Variants in KIF11 observed in about 807,000 individuals in gnomAD.
The protein encoded by KIF11 is kinesin-like protein KIF11.
Under a neutral mutation model 121.0 loss-of-function variants are expected in KIF11, and 9 were observed. The ratio of observed to expected loss-of-function variants is 0.07; its 90% confidence interval spans 0.04 to 0.13. The LOEUF (loss-of-function observed/expected upper bound fraction) is 0.13. Among genes scored for constraint, KIF11 ranks in the 10% least tolerant of loss-of-function variants. KIF11 has a pLI of 1.00. For synonymous variants in KIF11, 408 were observed against 421.0 expected, an observed-to-expected ratio of 0.97 and a Z score of 0.38; for missense variants, 846 against 1,217.5, an observed-to-expected ratio of 0.69 and a Z score of 4.54.
intron 5 of KIF11, 41 bp from the exon 6 acceptor site, chr10:92,609,344 T>TGTG: frequency 6.8e-7 from 1 of 1,465,090 alleles, no homozygotes; most frequent in Non-Finnish European, 9.4e-7. Flanking sequence ...GTGTGTGTGT[T>TGTG]TTAACCAATC....
chr10:92,599,172 T>C (rs1844336289), intron 1 of KIF11, among the ~76,000 whole-genome samples: 1 of 152,128 alleles, frequency 6.6e-6, no homozygotes, highest in African/African-American at 2.4e-5. Flanking sequence ...TATTTTAAAT[T>C]GAGTTGTTTT....
At position 92,613,250 on chromosome 10, in the gene KIF11, G is replaced by A; in HGVS notation, c.789+120G>A. The A allele has an allele frequency of 9.2e-7, 1 of 1,081,964 alleles. No individual in the cohort carries two copies. Among genetic ancestry groups the A allele is most frequent in the Non-Finnish European group, 1.3e-6 (1 of 757,520 alleles). 67.0% of individuals were successfully genotyped at this position (1,081,964 alleles called of 1,614,324 possible). On this transcript the variant is annotated intron_variant, in intron 7 of 21. Coordinates refer to ENST00000260731, the MANE Select transcript of KIF11 (RefSeq NM_004523.4). This position sits in a 1 kb window ranked among gnomAD's most constrained non-coding sequence, Gnocchi z 4.2. ...GGTGATTAGCTTTGTAGTGGGAGAA[G>A]AAATTTGTTAATTACAGAAAAAATT... is the stretch of plus-strand genomic sequence containing the variant.
At chr10:92,639,734 A>T in intron 16 of KIF11, 60 bp from the exon 17 acceptor site, 1 of 892,330 alleles carries the variant, frequency 1.1e-6, no homozygotes, top group Non-Finnish European at 1.8e-6. Flanking sequence ...GTTATCAGTC[A>T]TAAAAAATGT....
intron 9 of KIF11, among the ~76,000 whole-genome samples, chr10:92,617,652 C>T (rs1393157677): frequency 6.6e-6 from 1 of 152,118 alleles, no homozygotes; most frequent in Non-Finnish European, 1.5e-5. Flanking sequence ...TCTCCACCTC[C>T]TCTTTAACAC....
At chr10:92,593,562 C>A (rs1455736912) in intron 1 of KIF11, 110 bp downstream of exon 1, 1 of 892,214 alleles carries the variant, frequency 1.1e-6, no homozygotes, top group African/African-American at 1.7e-5. Flanking sequence ...GTCCCAGTTT[C>A]TTGGTTCTCC....
intron 1 of KIF11, among the ~76,000 whole-genome samples, chr10:92,594,034 G>C (rs1844263728): frequency 6.6e-6 from 1 of 152,148 alleles, no homozygotes; most frequent in Non-Finnish European, 1.5e-5. Flanking sequence ...CGGATATTTC[G>C]AGATAAAGGG....
chr10:92,601,036 T>C (rs759180928), intron 1 of KIF11, among the ~76,000 whole-genome samples: 22 of 151,970 alleles, frequency 1.4e-4, no homozygotes, highest in Non-Finnish European at 2.6e-4. Context: ...ATTTTTGTAT[T>C]TTTAGTAGAG....
intron 14 of KIF11, among the ~76,000 whole-genome samples, chr10:92,635,325 G>A (rs1156619589): frequency 2.6e-5 from 4 of 152,044 alleles, no homozygotes; most frequent in Admixed American, 6.6e-5. Flanking sequence ...TTAAATGGTG[G>A]TCTGTATATA....
rs1426597840 is a variant in KIF11 at position 92,645,715 on chromosome 10, TA to T, written c.2547+74del. 7.8e-6 allele frequency: 9 copies of T among 1,160,764 alleles called. No individual in the cohort carries two copies. In the East Asian group the frequency reaches 2.1e-4, roughly 28 times the overall value. The allele number at this position is 1,160,764 out of a possible 1,614,324, so 71.9% of individuals were successfully genotyped here. Reference sequence around the variant, plus strand: ...AAAGTTAAATATTCTTGGCTAAGAATAGATTTCAAAACAAATGATATTTTAA... The same window carrying T: ...AAAGTTAAATATTCTTGGCTAAGAATGATTTCAAAACAAATGATATTTTAA... On this transcript the variant is annotated intron_variant, in intron 18 of 21. Transcript: ENST00000260731.
chr10:92,644,740 G>A (rs970483413), intron 17 of KIF11, among the ~76,000 whole-genome samples: 11 of 151,952 alleles, frequency 7.2e-5, no homozygotes, highest in African/African-American at 2.7e-4. Context: ...ATTCCACAAG[G>A]TTTAAATCTT....
chr10:92,635,198 C>G (rs919985912), intron 14 of KIF11, among the ~76,000 whole-genome samples: 1 of 152,132 alleles, frequency 6.6e-6, no homozygotes, highest in African/African-American at 2.4e-5. Context: ...TTAGCTGACC[C>G]TCTGCCTCAA....
chr10:92,652,705 C>T (rs1219842247), intron 21 of KIF11, among the ~76,000 whole-genome samples: 1 of 152,214 alleles, frequency 6.6e-6, no homozygotes, highest in Non-Finnish European at 1.5e-5. Flanking sequence ...AACCTGGTGA[C>T]TACTTAATCC....
At chr10:92,615,153 C>G (rs1844540172) in intron 8 of KIF11, among the ~76,000 whole-genome samples, 1 of 152,028 alleles carries the variant, frequency 6.6e-6, no homozygotes, top group Non-Finnish European at 1.5e-5. Flanking sequence ...CCTGTAATCC[C>G]AGCACTTTGG....
At chr10:92,630,083 T>G in intron 11 of KIF11, 93 bp from the exon 12 acceptor site, 1 of 656,002 alleles carries the variant, frequency 1.5e-6, no homozygotes, top group Non-Finnish European at 2.5e-6. Context: ...TTACAACTTT[T>G]GCATGGAAAT....
intron 9 of KIF11, among the ~76,000 whole-genome samples, chr10:92,617,851 G>A (rs999704116): frequency 6.6e-5 from 10 of 151,382 alleles, no homozygotes; most frequent in Admixed American, 6.6e-5. Context: ...GTGATTCTTC[G>A]ACCTCAGTCT....
At chr10:92,602,056 A>G (rs763644086) in intron 1 of KIF11, among the ~76,000 whole-genome samples, 14 of 152,118 alleles carry the variant, frequency 9.2e-5, no homozygotes, top group Non-Finnish European at 1.8e-4. Context: ...TTAATGTGGT[A>G]TATTACATTG....
At chr10:92,626,947 A>G (rs1363216682) in intron 10 of KIF11, among the ~76,000 whole-genome samples, 1 of 152,072 alleles carries the variant, frequency 6.6e-6, no homozygotes. Context: ...GTATTTTAGT[A>G]GAGACAGGGT....
Position 92,593,331 on chromosome 10 carries a change from C to T in KIF11, c.-45C>T, listed in dbSNP as rs752951562. The T allele has an allele frequency of 3.8e-6, 6 of 1,567,352 alleles. No homozygotes were observed. The highest frequency in any genetic ancestry group is 5.2e-6 in the Non-Finnish European group (6 of 1,154,864). ...CGCCAAGCCCCTCCGCCCCTCACAG[C>T]GCCCAGGTCCGCGGCCGGGCCTTGA... On this transcript the variant is annotated 5_prime_UTR_variant, in exon 1 of 22. Coordinates refer to ENST00000260731, the MANE Select transcript of KIF11 (RefSeq NM_004523.4).
chr10:92,623,191 C>T (rs934794372), intron 10 of KIF11, among the ~76,000 whole-genome samples: 3 of 152,230 alleles, frequency 2.0e-5, no homozygotes, highest in African/African-American at 7.2e-5. Flanking sequence ...TCACAAGGAT[C>T]TTTCTTGCTA....
Sources: gnomAD v4.1 joint callset for allele counts (sites outside exome capture counted in the v4.1 genomes callset) on GRCh38, gnomAD v4.1.1 for gene constraint, Gnocchi (gnomAD v3.1) non-coding constraint, MANE v1.5 for transcripts, NCBI Gene and HGNC (gene_info 2026-07-23, HGNC 2026-07-21) for gene names.